Variants in GYS1 observed in about 807,000 individuals in gnomAD.
The protein encoded by GYS1 is glycogen synthase 1, also known as glycogen [starch] synthase, muscle.
GYS1 carries 60 observed loss-of-function variants against 89.1 expected under a neutral mutation model. The observed-to-expected ratio is 0.67, with a 90% confidence interval of 0.55 to 0.84. The LOEUF (loss-of-function observed/expected upper bound fraction) is 0.84. GYS1 is among the 40% of genes least tolerant of loss of function. The pLI is 0.00. For synonymous variants in GYS1, 366 were observed against 401.7 expected (o/e 0.91, Z 1.06); for missense variants, 888 against 1,003.1 (o/e 0.89, Z 1.55).
At chr19:48,987,633 ACTTT>A (rs990621405) in intron 2 of GYS1, among the ~76,000 whole-genome samples, 29 of 151,480 alleles carry the variant, frequency 1.9e-4, no homozygotes, top group African/African-American at 2.7e-4. Context: ...CCCCCTGCTT[ACTTT>A]CTTTCTTTCT....
intron 2 of GYS1, among the ~76,000 whole-genome samples, chr19:48,990,897 C>A (rs1021256919): frequency 2.0e-5 from 3 of 152,206 alleles, no homozygotes; most frequent in African/African-American, 7.2e-5. Flanking sequence ...CGGGTTCAAG[C>A]GATTCTCCTG....
intron 10 of GYS1, among the ~76,000 whole-genome samples, chr19:48,976,797 C>T (rs1444391387): frequency 6.6e-6 from 1 of 152,004 alleles, no homozygotes. Context: ...GTCCGCCTCG[C>T]TCTGTTGCCC....
rs148755277 is a variant in GYS1 at position 48,984,074 on chromosome 19, C to T, written c.824-1237G>A. ...AGTGCAATGGCACAATCTTGGCTCACGACAACCTCTGCCTCCTGGGTTCAA... is the reference window on the plus strand; with the variant it reads ...AGTGCAATGGCACAATCTTGGCTCATGACAACCTCTGCCTCCTGGGTTCAA... On this transcript the variant is annotated intron_variant, in intron 5 of 15. Coordinates refer to ENST00000323798, the MANE Select transcript of GYS1 (RefSeq NM_002103.5). Among the ~76,000 whole-genome samples the T allele has an allele frequency of 1.3e-3, 199 of 152,272 alleles. 1 individual carries two copies. The highest frequency in any genetic ancestry group is 4.4e-3 in the African/African-American group (184 of 41,556).
At position 48,969,379 on chromosome 19, in the gene GYS1, C is replaced by T. The variant is rs112195498; in HGVS notation, c.2123G>A (p.Arg708His). Residue 708 changes from arginine (R) to histidine (H), a missense_variant, in exon 16 of 16, where the codon CGC becomes CAC. By Grantham distance (29) the Arg-to-His change is conservative. Transcript: ENST00000323798. ...SCTSSTSGSK[R>H]NSVDTATSSS... ...GGAGGTGGCCGTGTCCACAGAGTTGCGCTTGCTGCCGCTGGTGGAGGAGGT... is the reference window on the plus strand; with the variant it reads ...GGAGGTGGCCGTGTCCACAGAGTTGTGCTTGCTGCCGCTGGTGGAGGAGGT... 1.9e-6 allele frequency: 3 copies of T among 1,570,964 alleles called. No individual in the cohort carries two copies. Among genetic ancestry groups the T allele is most frequent in the African/African-American group, 1.4e-5 (1 of 73,956 alleles).
At chr19:48,974,498 G>C in intron 11 of GYS1, 122 bp downstream of exon 11, 1 of 1,044,720 alleles carries the variant, frequency 9.6e-7, no homozygotes, top group Non-Finnish European at 1.5e-6. Context: ...TCAGAAGCCA[G>C]GGTTCTTTCT....
chr19:48,989,430 C>T (rs1004849860), intron 2 of GYS1, among the ~76,000 whole-genome samples: 3 of 147,268 alleles, frequency 2.0e-5, no homozygotes, highest in Non-Finnish European at 3.0e-5. Context: ...TGCAGTGAGT[C>T]GAGATTGTAC....
At chr19:48,969,878 G>C in intron 14 of GYS1, 23 bp from the exon 15 acceptor site, 18 of 1,551,502 alleles carry the variant, frequency 1.2e-5, no homozygotes, top group Non-Finnish European at 1.5e-5. Flanking sequence ...AGGAGAGGGG[G>C]CAGAGGATGT....
chr19:48,976,871 C>T (rs755992743), intron 10 of GYS1, among the ~76,000 whole-genome samples: 4 of 152,112 alleles, frequency 2.6e-5, no homozygotes, highest in African/African-American at 4.8e-5. Context: ...TCACTGCAGC[C>T]TTGACCTCCT....
At chr19:48,969,907 C>T (rs1485941968) in intron 14 of GYS1, 52 bp from the exon 15 acceptor site, 1 of 1,291,766 alleles carries the variant, frequency 7.7e-7, no homozygotes, top group East Asian at 2.3e-5. Flanking sequence ...GGCCCCACCC[C>T]CAGGCAGATG....
At position 48,982,327 on chromosome 19, in the gene GYS1, G is replaced by A. The variant is rs746080768; in HGVS notation, c.990C>T (p.Gly330=). 5 of 1,613,786 alleles carry A rather than the reference G, an allele frequency of 3.1e-6. No homozygotes were observed. The highest frequency in any genetic ancestry group is 4.2e-6 in the Non-Finnish European group (5 of 1,179,794). Residue 330 remains glycine, a synonymous_variant, in exon 7 of 16, where the codon GGC becomes GGT. Coordinates refer to ENST00000323798, the MANE Select transcript of GYS1 (RefSeq NM_002103.5). ...CACCCTTGTTGGAGAACTCATAGCG[G>A]CCGGCGATAAAGAAGTATAAGGTCT... ...LDKTLYFFIA[G]RYEFSNKGAD...
rs192061825 is a variant in GYS1, at chr19:48,991,847, C to T, written c.119-364G>A. 3.6e-4 allele frequency among the ~76,000 whole-genome samples: 55 copies of T among 152,142 alleles called. No homozygotes were observed. Among genetic ancestry groups the T allele is most frequent in the East Asian group, 9.6e-4 (5 of 5,182 alleles). ...ATGGCAGAGCTGAGGACTGACTACC[C>T]GGACTCAGGTTCCCGAGTTCCCAGC... On this transcript the variant is annotated intron_variant, in intron 1 of 15. Coordinates refer to ENST00000323798, the MANE Select transcript of GYS1 (RefSeq NM_002103.5). This position sits in a 1 kb window ranked among gnomAD's most constrained non-coding sequence, Gnocchi z 4.7.
chr19:48,977,352 G>A (rs1016469749), intron 10 of GYS1, among the ~76,000 whole-genome samples: 2 of 152,158 alleles, frequency 1.3e-5, no homozygotes, highest in African/African-American at 2.4e-5. Context: ...CAGCACTTTG[G>A]GAGGCTGAGG....
chr19:48,988,616 G>T (rs1339682074), intron 2 of GYS1, among the ~76,000 whole-genome samples: 1 of 151,988 alleles, frequency 6.6e-6, no homozygotes, highest in Non-Finnish European at 1.5e-5. Flanking sequence ...CCTAAAGCAG[G>T]CCCTTTTTTA....
intron 6 of GYS1, 136 bp from the exon 7 acceptor site, chr19:48,982,511 T>C: frequency 1.0e-6 from 1 of 985,814 alleles, no homozygotes; most frequent in Non-Finnish European, 1.6e-6. Flanking sequence ...CGGGGCCTCC[T>C]GGGAGTTGTA....
chr19:48,981,659 G>A (rs774357580), intron 7 of GYS1, 23 bp from the exon 8 acceptor site: 1 of 1,492,644 alleles, frequency 6.7e-7, no homozygotes, highest in Non-Finnish European at 9.4e-7. Flanking sequence ...AAAGGAGGGG[G>A]AGGCCAGGAT....
At chr19:48,974,778 G>C in intron 10 of GYS1, 45 bp from the exon 11 acceptor site, 1 of 1,331,712 alleles carries the variant, frequency 7.5e-7, no homozygotes, top group Non-Finnish European at 1.1e-6. Context: ...AAGGGACAGA[G>C]AACTCCCTAC....
intron 8 of GYS1, 90 bp from the exon 9 acceptor site, chr19:48,978,247 C>A: frequency 2.6e-6 from 3 of 1,152,130 alleles, no homozygotes; most frequent in East Asian, 4.7e-5. Flanking sequence ...TATTTTGAGA[C>A]GGAGTTTGGC....
At position 48,974,743 on chromosome 19, in the gene GYS1, C is replaced by A; in HGVS notation, c.1309-10G>T. 1 of 1,579,162 alleles carries A rather than the reference C, an allele frequency of 6.3e-7. No individual in the cohort carries two copies. The highest frequency in any genetic ancestry group is 1.1e-5 in the South Asian group (1 of 90,346). On this transcript the variant is annotated splice_polypyrimidine_tract_variant and intron_variant, in intron 10 of 15. Coordinates refer to ENST00000323798, the MANE Select transcript of GYS1 (RefSeq NM_002103.5). Reference sequence around the variant, plus strand: ...GGGGGAAAGACTGCCGCTGCAGGAGCCACAAGAAGGGTAAGGGGTCATGGA... The same window carrying A: ...GGGGGAAAGACTGCCGCTGCAGGAGACACAAGAAGGGTAAGGGGTCATGGA...
At position 48,993,168 on chromosome 19, in the gene GYS1, C is replaced by T. The variant is rs2038968795; in HGVS notation, c.-56G>A. The T allele has an allele frequency of 1.0e-6, 1 of 965,234 alleles. No homozygotes were observed. The highest frequency in any genetic ancestry group is 1.7e-6 in the Non-Finnish European group (1 of 590,108). 59.8% of individuals were successfully genotyped at this position (965,234 alleles called of 1,614,324 possible). A position where few individuals can be genotyped will look rare whatever the true frequency, so the allele number is the denominator to read the frequency against. ...CTCCAGGTAGGGACCCCGGAGGTGT[C>T]TAGGGAATGCACCAGGTAGGGTGCG... is the stretch of plus-strand genomic sequence containing the variant. On this transcript the variant is annotated 5_prime_UTR_variant, in exon 1 of 16. Coordinates refer to ENST00000323798, the MANE Select transcript of GYS1 (RefSeq NM_002103.5).
Sources: gnomAD v4.1 joint callset for allele counts (sites outside exome capture counted in the v4.1 genomes callset) on GRCh38, gnomAD v4.1.1 for gene constraint, Gnocchi (gnomAD v3.1) non-coding constraint, MANE v1.5 for transcripts, NCBI Gene and HGNC (gene_info 2026-07-23, HGNC 2026-07-21) for gene names.